SLC2A12: variants seen among roughly 807,000 people sequenced by gnomAD.
SLC2A12 encodes solute carrier family 2, facilitated glucose transporter member 12.
In SLC2A12, 23 loss-of-function variants were observed where a neutral mutation model predicts 41.8. The observed-to-expected ratio is 0.55, with a 90% confidence interval of 0.40 to 0.78. SLC2A12 has a LOEUF of 0.78. SLC2A12 is among the 30% of genes least tolerant of loss of function. SLC2A12 has a pLI of 0.00. For missense variants in SLC2A12, 654 were observed against 745.6 expected (o/e 0.88, Z 1.43); for synonymous variants, 295 against 285.9 (o/e 1.03, Z -0.32).
chr6:134,039,369 T>C (rs113620962), intron 1 of SLC2A12, among the ~76,000 whole-genome samples: 3 of 152,354 alleles, frequency 2.0e-5, no homozygotes, highest in African/African-American at 7.2e-5. Flanking sequence ...TTTATTCTTA[T>C]CATCAGATGT....
At chr6:134,007,871 G>C (rs1455266035) in intron 2 of SLC2A12, among the ~76,000 whole-genome samples, 12 of 152,178 alleles carry the variant, frequency 7.9e-5, no homozygotes, top group Admixed American at 7.9e-4. Flanking sequence ...ACTTGCCAAG[G>C]TCACAGAGCA....
chr6:134,032,340 A>G (rs1232728218), intron 1 of SLC2A12, among the ~76,000 whole-genome samples: 1 of 150,226 alleles, frequency 6.7e-6, no homozygotes, highest in East Asian at 2.0e-4. Context: ...CAATTTATCT[A>G]GCTAATCAGA....
chr6:134,037,601 T>C (rs890150445), intron 1 of SLC2A12, among the ~76,000 whole-genome samples: 4 of 152,136 alleles, frequency 2.6e-5, no homozygotes, highest in African/African-American at 9.7e-5. Flanking sequence ...GATCTGCCTG[T>C]CTCGGCATCC....
chr6:134,048,459 C>T (rs1773612212), intron 1 of SLC2A12, among the ~76,000 whole-genome samples: 1 of 152,074 alleles, frequency 6.6e-6, no homozygotes, highest in African/African-American at 2.4e-5. Context: ...TAGCCAGCTG[C>T]TCAGGATGCT....
intron 1 of SLC2A12, among the ~76,000 whole-genome samples, chr6:134,051,141 GTCT>G (rs1241382109): frequency 1.3e-5 from 2 of 152,110 alleles, no homozygotes; most frequent in Non-Finnish European, 2.9e-5. Flanking sequence ...GGCCAGGCTT[GTCT>G]TGAACTCCTG....
At chr6:133,997,074 T>C (rs547754872) in intron 4 of SLC2A12, among the ~76,000 whole-genome samples, 1 of 77,238 alleles carries the variant, frequency 1.3e-5, no homozygotes, top group Non-Finnish European at 2.3e-5. Flanking sequence ...ACCCCGTCTC[T>C]ACTAAAAATA....
intron 1 of SLC2A12, among the ~76,000 whole-genome samples, chr6:134,040,058 G>GTTTTTTTTTT (rs11371413): frequency 1.4e-5 from 2 of 139,314 alleles, no homozygotes; most frequent in Non-Finnish European, 1.5e-5. Flanking sequence ...GTTGTTTTTT[G>GTTTTTTTTTT]TTTTTTTTTT....
chr6:133,994,302 C>G (rs1455579221), intron 4 of SLC2A12, among the ~76,000 whole-genome samples: 1 of 152,208 alleles, frequency 6.6e-6, no homozygotes, highest in East Asian at 1.9e-4. Flanking sequence ...CAATTTAGGG[C>G]ATGTGAGGTA....
intron 4 of SLC2A12, among the ~76,000 whole-genome samples, chr6:133,994,949 C>T (rs1776668951): frequency 6.6e-6 from 1 of 152,104 alleles, no homozygotes; most frequent in East Asian, 1.9e-4. Context: ...CAGTCAAATG[C>T]TGGGGATAAT....
chr6:134,048,998 AG>A, intron 1 of SLC2A12, among the ~76,000 whole-genome samples: 1 of 152,306 alleles, frequency 6.6e-6, no homozygotes, highest in South Asian at 2.1e-4. Context: ...GCCCATTTTA[AG>A]CTAAACCCGG....
At chr6:134,025,612 C>A (rs1397407118) in intron 2 of SLC2A12, among the ~76,000 whole-genome samples, 1 of 152,186 alleles carries the variant, frequency 6.6e-6, no homozygotes. Flanking sequence ...GGCTGGAGTG[C>A]AATGCTCACT....
At chr6:133,999,108 T>C (rs1278986399) in intron 4 of SLC2A12, among the ~76,000 whole-genome samples, 4 of 152,134 alleles carry the variant, frequency 2.6e-5, no homozygotes, top group African/African-American at 9.7e-5. Context: ...CAATGCAGTA[T>C]AGAAGTAAAG....
At position 134,028,744 on chromosome 6, in the gene SLC2A12, T is replaced by A. The variant is rs1278553774; in HGVS notation, c.1081A>T (p.Met361Leu). 1 of 1,614,044 alleles carries A rather than the reference T, an allele frequency of 6.2e-7. No homozygotes were observed. Among genetic ancestry groups the A allele is most frequent in the Admixed American group, 1.7e-5 (1 of 60,008 alleles). Reference sequence around the variant, plus strand: ...TGGATGTTGAGATTTACGATGCCCATGGTCACCAACGAAGCTGCCATCACA... The same window carrying A: ...TGGATGTTGAGATTTACGATGCCCAAGGTCACCAACGAAGCTGCCATCACA... ...SSVMAASLVT[M>L]GIVNLNIHMN... Residue 361 changes from methionine (M) to leucine (L), a missense_variant, in exon 2 of 5, where the codon ATG becomes TTG. Met to Leu is a conservative substitution (Grantham distance 15). This residue lies in a region of SLC2A12 where 411 missense variants were observed against 412.1 expected (regional missense o/e 1.00). Transcript: ENST00000275230.
At chr6:134,041,881 T>A (rs938251659) in intron 1 of SLC2A12, among the ~76,000 whole-genome samples, 2 of 152,116 alleles carry the variant, frequency 1.3e-5, no homozygotes, top group African/African-American at 4.8e-5. Context: ...CTGTCTTTCC[T>A]AGAGTCCCCT....
At chr6:134,006,663 T>G in intron 3 of SLC2A12, 149 bp downstream of exon 3, 1 of 943,048 alleles carries the variant, frequency 1.1e-6, no homozygotes, top group Non-Finnish European at 1.5e-6. Flanking sequence ...AAACTGTAAA[T>G]TGGGTCATGG....
intron 2 of SLC2A12, among the ~76,000 whole-genome samples, chr6:134,007,758 C>T (rs930685457): frequency 1.3e-5 from 2 of 152,170 alleles, no homozygotes; most frequent in African/African-American, 4.8e-5. Flanking sequence ...CTTTTACAAA[C>T]ATTTTTACAA....
intron 1 of SLC2A12, among the ~76,000 whole-genome samples, chr6:134,033,881 T>C (rs1488243025): frequency 6.6e-6 from 1 of 152,120 alleles, no homozygotes; most frequent in African/African-American, 2.4e-5. Context: ...TGCTAGCTTC[T>C]CTGTCTGGAG....
At chr6:134,022,543 G>GAAA (rs1230283986) in intron 2 of SLC2A12, among the ~76,000 whole-genome samples, 1 of 24,030 alleles carries the variant, frequency 4.2e-5, no homozygotes, top group East Asian at 1.3e-3. Flanking sequence ...AAAAAGAAAA[G>GAAA]AAAAGAAAAG....
At position 134,012,427 on chromosome 6, in the gene SLC2A12, G is replaced by C. The variant is rs565745343; in HGVS notation, c.1445-5493C>G. On this transcript the variant is annotated intron_variant, in intron 2 of 4. Transcript: ENST00000275230. ...GAGCAGGCACCAATTGGGGATAAGA[G>C]AGAACTATGGCAGTGGTCTTCAAAC... Among the ~76,000 whole-genome samples the C allele has an allele frequency of 9.8e-5, 15 of 152,308 alleles. No individual in the cohort carries two copies. In the South Asian group the frequency reaches 2.9e-3, roughly 29 times the overall value.
Sources: allele counts gnomAD v4.1 joint callset (sites outside exome capture counted in the v4.1 genomes callset), GRCh38; gene constraint gnomAD v4.1.1; regional missense constraint gnomAD v4.1.1; transcripts MANE v1.5; gene names NCBI Gene and HGNC (gene_info 2026-07-23, HGNC 2026-07-21).